Variants in SOX6 observed in about 807,000 individuals in gnomAD.
The protein encoded by SOX6 is SRY-box transcription factor 6, also known as transcription factor SOX-6.
Under a neutral mutation model 97.8 loss-of-function variants are expected in SOX6, and 11 were observed. That is an observed-to-expected ratio of 0.11 (90% CI 0.07 to 0.19). The LOEUF (loss-of-function observed/expected upper bound fraction) is 0.19. Among genes scored for constraint, SOX6 ranks in the 10% least tolerant of loss-of-function variants. The pLI is 1.00. For synonymous variants in SOX6, 360 were observed against 371.4 expected, an observed-to-expected ratio of 0.97 and a Z score of 0.35; for missense variants, 810 against 1,039.5, an observed-to-expected ratio of 0.78 and a Z score of 3.04.
chr11:16,534,538 T>C (rs1346208670), intron 4 of SOX6, among the ~76,000 whole-genome samples: 2 of 152,068 alleles, frequency 1.3e-5, no homozygotes, highest in African/African-American at 4.8e-5. Context: ...CACAAATGGA[T>C]TTAGTTTCAA....
intron 4 of SOX6, among the ~76,000 whole-genome samples, chr11:16,214,092 G>A (rs1477178160): frequency 1.3e-5 from 2 of 152,156 alleles, no homozygotes; most frequent in African/African-American, 2.4e-5. Flanking sequence ...GGTATGTTAA[G>A]TAAGCCTTAA....
At chr11:16,690,279 A>G (rs1848002877) in intron 3 of SOX6, among the ~76,000 whole-genome samples, 2 of 152,036 alleles carry the variant, frequency 1.3e-5, no homozygotes, top group East Asian at 1.9e-4. Flanking sequence ...GAGATACATC[A>G]TTCCTCTCTC....
chr11:16,018,998 T>C (rs1854968952), intron 12 of SOX6, among the ~76,000 whole-genome samples: 2 of 152,124 alleles, frequency 1.3e-5, no homozygotes, highest in African/African-American at 4.8e-5. Context: ...GCAAAACTGT[T>C]TCAGTAGTAG....
At chr11:16,320,878 A>G (rs932977838) in intron 2 of SOX6, among the ~76,000 whole-genome samples, 1 of 152,174 alleles carries the variant, frequency 6.6e-6, no homozygotes, top group African/African-American at 2.4e-5. Flanking sequence ...CAATATATTT[A>G]TGCTGAAATA....
intron 3 of SOX6, among the ~76,000 whole-genome samples, chr11:16,701,629 A>C (rs1848094296): frequency 6.6e-6 from 1 of 152,032 alleles, no homozygotes; most frequent in Non-Finnish European, 1.5e-5. Context: ...AGGCCGAGGC[A>C]GGCGGATCAC....
intron 1 of SOX6, among the ~76,000 whole-genome samples, chr11:16,447,228 A>G (rs1229388058): frequency 2.0e-5 from 3 of 152,316 alleles, no homozygotes; most frequent in Admixed American, 2.0e-4. Context: ...TTTTTAAGCT[A>G]AAATTAGGAA....
chr11:15,973,252 T>G (rs1445197755), intron 15 of SOX6, 140 bp from the exon 16 acceptor site: 2 of 840,922 alleles, frequency 2.4e-6, no homozygotes, highest in Non-Finnish European at 3.7e-6. Flanking sequence ...AAATAAAATG[T>G]GACAAAGGTG....
intron 2 of SOX6, among the ~76,000 whole-genome samples, chr11:16,322,345 T>C (rs1456709878): frequency 6.6e-6 from 1 of 152,122 alleles, no homozygotes; most frequent in African/African-American, 2.4e-5. Flanking sequence ...CCACTCTCTC[T>C]CTTCCTCCTG....
intron 13 of SOX6, among the ~76,000 whole-genome samples, chr11:16,007,425 A>G (rs1590125197): frequency 1.3e-5 from 2 of 152,136 alleles, no homozygotes; most frequent in East Asian, 1.9e-4. Flanking sequence ...GCATGACTGT[A>G]TAAGAACACC....
chr11:16,362,625 GA>G (rs201435471), intron 1 of SOX6, among the ~76,000 whole-genome samples: 19 of 150,736 alleles, frequency 1.3e-4, no homozygotes, highest in Non-Finnish European at 2.5e-4. Flanking sequence ...TGTATGTGGT[GA>G]AAAAAAAAGT....
chr11:16,198,204 C>T (rs1167673979), intron 4 of SOX6, among the ~76,000 whole-genome samples: 3 of 150,672 alleles, frequency 2.0e-5, no homozygotes, highest in African/African-American at 7.3e-5. Context: ...CAGGCGCCTG[C>T]CACCACGCCC....
intron 3 of SOX6, among the ~76,000 whole-genome samples, chr11:16,290,263 T>C (rs1412534665): frequency 6.6e-6 from 1 of 152,006 alleles, no homozygotes; most frequent in Non-Finnish European, 1.5e-5. Flanking sequence ...GTAAATAAAA[T>C]AGCTTTCAAG....
chr11:16,221,547 CT>C (rs1368120183), intron 4 of SOX6, among the ~76,000 whole-genome samples: 1 of 152,062 alleles, frequency 6.6e-6, no homozygotes, highest in Admixed American at 6.6e-5. Context: ...TACAGCAACA[CT>C]TTCATTTGAA....
Position 16,300,030 on chromosome 11 carries a change from G to A in SOX6, c.445+18416C>T, listed in dbSNP as rs934259457. Among the ~76,000 whole-genome samples, 5 of 152,072 alleles carry A rather than the reference G, an allele frequency of 3.3e-5. No individual in the cohort carries two copies. The highest frequency in any genetic ancestry group is 5.9e-5 in the Non-Finnish European group (4 of 68,000). On this transcript the variant is annotated intron_variant, in intron 3 of 15. Coordinates refer to ENST00000683767, the MANE Select transcript of SOX6 (RefSeq NM_001367873.1). The surrounding 1 kb of genome is among the most constrained non-coding windows in gnomAD (Gnocchi z 4.1). ...TTAATAATTTTATGTTGTTTACACT[G>A]GAGGCAGTTTTCCACGAGCACTGCT...
chr11:16,649,217 C>G (rs1490777832), intron 3 of SOX6, among the ~76,000 whole-genome samples: 2 of 152,160 alleles, frequency 1.3e-5, no homozygotes, highest in Non-Finnish European at 2.9e-5. Context: ...TTGAGGAAAA[C>G]TTCCCTGGCC....
intron 3 of SOX6, among the ~76,000 whole-genome samples, chr11:16,627,988 T>C (rs183545319): frequency 6.6e-6 from 1 of 152,220 alleles, no homozygotes; most frequent in East Asian, 1.9e-4. Flanking sequence ...GTGAAAGGTA[T>C]AGGTTTAGTT....
intron 4 of SOX6, among the ~76,000 whole-genome samples, chr11:16,203,997 T>A (rs543055833): frequency 1.3e-5 from 2 of 151,904 alleles, no homozygotes; most frequent in Non-Finnish European, 1.5e-5. Context: ...AAACCTTATA[T>A]CAAAAAGTTT....
intron 4 of SOX6, among the ~76,000 whole-genome samples, chr11:16,539,895 G>A (rs2133176397): frequency 1.3e-5 from 2 of 152,270 alleles, no homozygotes; most frequent in South Asian, 4.1e-4. Context: ...GAGGTACAAA[G>A]AGGAGCTGGT....
At chr11:16,251,943 G>T (rs1853525546) in intron 3 of SOX6, among the ~76,000 whole-genome samples, 1 of 151,342 alleles carries the variant, frequency 6.6e-6, no homozygotes, top group Non-Finnish European at 1.5e-5. Flanking sequence ...TATATAAGAT[G>T]CAAATAAAAC....
Sources: gnomAD v4.1 joint callset for allele counts (sites outside exome capture counted in the v4.1 genomes callset) on GRCh38, gnomAD v4.1.1 for gene constraint, Gnocchi (gnomAD v3.1) non-coding constraint, MANE v1.5 for transcripts, NCBI Gene and HGNC (gene_info 2026-07-23, HGNC 2026-07-21) for gene names.